CCDC149: variants seen among roughly 807,000 people sequenced by gnomAD.
CCDC149 encodes coiled-coil domain containing 149, also known as coiled-coil domain-containing protein 149.
A neutral mutation model predicts 59.9 loss-of-function variants in CCDC149; 45 were observed. That is an observed-to-expected ratio of 0.75 (90% confidence interval 0.59 to 0.96). The LOEUF (loss-of-function observed/expected upper bound fraction) is 0.96. Among genes scored for constraint, CCDC149 ranks in the 40% least tolerant of loss-of-function variants. The probability of loss-of-function intolerance (pLI) is 0.00; values close to 1 mark genes in which losing one functional copy is unlikely to be tolerated. For synonymous variants in CCDC149, 245 were observed against 260.6 expected (o/e 0.94, Z 0.58); for missense variants, 584 against 664.7 (o/e 0.88, Z 1.33).
chr4:24,976,471 G>A (rs1261472623), intron 1 of CCDC149, among the ~76,000 whole-genome samples: 2 of 152,204 alleles, frequency 1.3e-5, no homozygotes, highest in Non-Finnish European at 2.9e-5. Flanking sequence ...TCAGCACTTT[G>A]GGAGGCTGAG....
At chr4:24,936,513 T>C (rs1383132262) in intron 1 of CCDC149, among the ~76,000 whole-genome samples, 1 of 152,230 alleles carries the variant, frequency 6.6e-6, no homozygotes, top group Non-Finnish European at 1.5e-5. Context: ...CAAATCAAGG[T>C]CGTTACCATA....
At chr4:24,898,634 A>G (rs1013822588) in intron 1 of CCDC149, among the ~76,000 whole-genome samples, 3 of 152,090 alleles carry the variant, frequency 2.0e-5, no homozygotes, top group Non-Finnish European at 4.4e-5. Context: ...TCCTGTGCCT[A>G]GCATTGTGCT....
chr4:24,866,795 A>AG (rs1467181241), intron 3 of CCDC149, among the ~76,000 whole-genome samples: 1 of 113,820 alleles, frequency 8.8e-6, no homozygotes, highest in East Asian at 2.4e-4. Context: ...AAAGCAAAAA[A>AG]AAAAAAAAAA....
In CCDC149 at chr4:24,807,428, T is replaced by C. The variant is rs1211161839; in HGVS notation, c.*961A>G. The C allele has an allele frequency of 6.6e-6, 1 of 152,154 alleles. No homozygotes were observed. Among genetic ancestry groups the C allele is most frequent in the Admixed American group, 6.5e-5 (1 of 15,276 alleles). The allele number at this position is 152,154 out of a possible 1,614,324, so 9.4% of individuals were successfully genotyped here. On this transcript the variant is annotated 3_prime_UTR_variant, in exon 13 of 13. Coordinates refer to ENST00000635206, the MANE Select transcript of CCDC149 (RefSeq NM_001330643.2). ...AGATTCCCGTACTTGGTGGCACAAA[T>C]GAGGCAGCCTCAACATTCTGTTGAA...
intron 12 of CCDC149, 75 bp downstream of exon 12, chr4:24,819,784 G>T: frequency 9.9e-7 from 1 of 1,011,846 alleles, no homozygotes. Flanking sequence ...AAGGGGAAGA[G>T]ACCGATGTCC....
upstream of CCDC149, among the ~76,000 whole-genome samples, chr4:24,913,738 G>C (rs1435603370): frequency 6.6e-6 from 1 of 152,188 alleles, no homozygotes; most frequent in Non-Finnish European, 1.5e-5. Context: ...GAGGACAGGA[G>C]TTCAAGAGCA....
At chr4:24,813,489 A>AATATATCTATAT (rs1186488610) in intron 12 of CCDC149, among the ~76,000 whole-genome samples, 11 of 113,732 alleles carry the variant, frequency 9.7e-5, no homozygotes, top group African/African-American at 3.6e-4. Context: ...CAGCTTGGGG[A>AATATATCTATAT]ATATATATAT....
upstream of CCDC149, among the ~76,000 whole-genome samples, chr4:24,917,988 G>C (rs1329075585): frequency 6.6e-6 from 1 of 151,912 alleles, no homozygotes; most frequent in Non-Finnish European, 1.5e-5. Context: ...TGACTTGGGG[G>C]TCACTGGCCT....
intron 1 of CCDC149, among the ~76,000 whole-genome samples, chr4:24,881,675 T>G (rs1018117449): frequency 3.3e-5 from 5 of 152,230 alleles, no homozygotes; most frequent in Non-Finnish European, 7.3e-5. Flanking sequence ...AAGTTATACT[T>G]GCCCCTGGGC....
At position 24,819,902 on chromosome 4, in the gene CCDC149, C is replaced by A; in HGVS notation, c.1149G>T (p.Lys383Asn). The A allele has an allele frequency of 6.4e-7, 1 of 1,551,714 alleles. No individual in the cohort carries two copies. Among genetic ancestry groups the A allele is most frequent in the Admixed American group, 2.0e-5 (1 of 51,010 alleles). The change falls in exon 12 of 13, where the codon AAG (lysine) becomes AAT (asparagine). Residue 383 changes from lysine to asparagine, a missense_variant. By Grantham distance (94) the Lys-to-Asn change is moderately conservative (BLOSUM62 0). Coordinates refer to ENST00000635206, the MANE Select transcript of CCDC149 (RefSeq NM_001330643.2). ...TGTTCTCAGTGGGCTGCTCGACAAA[C>A]TTCAGCAGTGGGGATCTCGACCTCT...
At chr4:24,856,858 C>T (rs993985438) in intron 3 of CCDC149, among the ~76,000 whole-genome samples, 1 of 152,236 alleles carries the variant, frequency 6.6e-6, no homozygotes, top group African/African-American at 2.4e-5. Context: ...CATAATCCCT[C>T]CCTACCAGAT....
At chr4:24,838,444 T>C (rs1313031732) in intron 4 of CCDC149, among the ~76,000 whole-genome samples, 172 bp from the exon 5 acceptor site, 5 of 152,152 alleles carry the variant, frequency 3.3e-5, no homozygotes, top group African/African-American at 1.2e-4. Flanking sequence ...ATTAAAAATA[T>C]AGATTGTAGT....
chr4:24,934,804 A>G (rs1018541337), intron 1 of CCDC149, among the ~76,000 whole-genome samples: 1 of 152,230 alleles, frequency 6.6e-6, no homozygotes, highest in African/African-American at 2.4e-5. Flanking sequence ...GAGGATTAAT[A>G]AGAAGGTCAA....
chr4:24,804,467 G>C (rs1164389009), downstream of CCDC149, among the ~76,000 whole-genome samples: 1 of 148,160 alleles, frequency 6.7e-6, no homozygotes, highest in East Asian at 2.0e-4. Context: ...CTCCACCCTG[G>C]GTGACAGAGT....
intron 1 of CCDC149, among the ~76,000 whole-genome samples, chr4:24,924,380 C>T (rs913692013): frequency 1.3e-5 from 2 of 152,206 alleles, no homozygotes; most frequent in East Asian, 1.9e-4. Flanking sequence ...TGGTGTGAAA[C>T]GTCACGTTAT....
intron 7 of CCDC149, among the ~76,000 whole-genome samples, chr4:24,836,139 A>G (rs1716504057): frequency 6.6e-6 from 1 of 152,240 alleles, no homozygotes; most frequent in South Asian, 2.1e-4. Flanking sequence ...AAGGCTATGC[A>G]ATATGCAAGT....
At chr4:24,810,627 C>T (rs1333468156) in intron 12 of CCDC149, among the ~76,000 whole-genome samples, 1 of 152,118 alleles carries the variant, frequency 6.6e-6, no homozygotes, top group Admixed American at 6.5e-5. Context: ...TTTATGAGTA[C>T]AGAATTTGTT....
intron 1 of CCDC149, among the ~76,000 whole-genome samples, chr4:24,954,541 A>C (rs548156808): frequency 6.6e-6 from 1 of 152,316 alleles, no homozygotes; most frequent in Admixed American, 6.5e-5. Flanking sequence ...GATGCCACCA[A>C]AGTTCACCAC....
intron 1 of CCDC149, among the ~76,000 whole-genome samples, chr4:24,971,985 C>G (rs1271254362): frequency 6.6e-6 from 1 of 152,208 alleles, no homozygotes; most frequent in African/African-American, 2.4e-5. Context: ...CTTGGAAGCT[C>G]TCACTTCCAG....
Sources: allele counts gnomAD v4.1 joint callset (sites outside exome capture counted in the v4.1 genomes callset), GRCh38; gene constraint gnomAD v4.1.1; transcripts MANE v1.5; gene names NCBI Gene and HGNC (gene_info 2026-07-23, HGNC 2026-07-21).